GSE1: variants seen among roughly 807,000 people sequenced by gnomAD.
GSE1 encodes the protein genetic suppressor element 1.
In GSE1, 32 loss-of-function variants were observed where a neutral mutation model predicts 112.6. The observed-to-expected ratio is 0.28, with a 90% CI of 0.21 to 0.38. The LOEUF is 0.38. Ranked by LOEUF, GSE1 falls within the 10% of genes least tolerant of loss-of-function variation. GSE1 has a pLI of 1.00. For missense variants in GSE1, 2,348 were observed against 1,699.2 expected (o/e 1.38, Z -6.71); for synonymous variants, 1,115 against 735.6 (o/e 1.52, Z -8.35).
At chr16:85,457,948 A>G (rs2049875536) in intron 2 of GSE1, among the ~76,000 whole-genome samples, 1 of 152,206 alleles carries the variant, frequency 6.6e-6, no homozygotes, top group African/African-American at 2.4e-5. Flanking sequence ...TGTAATTTTC[A>G]TACCTTCTCT....
intron 1 of GSE1, among the ~76,000 whole-genome samples, chr16:85,319,178 G>A (rs1176580232): frequency 6.6e-6 from 1 of 152,194 alleles, no homozygotes; most frequent in African/African-American, 2.4e-5. Flanking sequence ...GCGGTAGATT[G>A]AGGGTCTCAG....
At chr16:85,668,826 C>A (rs1013758849) in intron 14 of GSE1, among the ~76,000 whole-genome samples, 1 of 152,220 alleles carries the variant, frequency 6.6e-6, no homozygotes, top group Non-Finnish European at 1.5e-5. Flanking sequence ...TAGTGACAGA[C>A]TCCCCACACT....
chr16:85,384,473 CA>C (rs1464927964), intron 2 of GSE1, among the ~76,000 whole-genome samples: 13 of 152,226 alleles, frequency 8.5e-5, no homozygotes, highest in Non-Finnish European at 4.4e-5. Flanking sequence ...GCCCCAATCC[CA>C]GACCTTGCCA....
At chr16:85,565,406 C>A (rs11860250) in intron 1 of GSE1, among the ~76,000 whole-genome samples, 6,628 of 140,772 alleles carry the variant, frequency 0.047, 645 homozygotes, top group African/African-American at 0.18. Context: ...AAAAAAAAAA[C>A]AAAAAAAAAC....
chr16:85,171,804 G>A (rs1190510019), exon 1 of GSE1: 18 of 985,252 alleles, frequency 1.8e-5, no homozygotes, highest in South Asian at 1.4e-4. Context: ...CAGCAGCGAC[G>A]AAGGTAAGCA....
intron 2 of GSE1, among the ~76,000 whole-genome samples, chr16:85,428,730 T>C (rs1264936883): frequency 6.6e-6 from 1 of 152,150 alleles, no homozygotes; most frequent in Non-Finnish European, 1.5e-5. Flanking sequence ...CACTGTTGGC[T>C]CCTGTTTGAA....
intron 2 of GSE1, among the ~76,000 whole-genome samples, chr16:85,504,157 G>A (rs955146461): frequency 5.3e-5 from 8 of 152,354 alleles, no homozygotes; most frequent in African/African-American, 1.9e-4. Flanking sequence ...AGGTTGCGTG[G>A]AACAGGTACC....
At chr16:85,604,295 G>C (rs144166291) in intron 1 of GSE1, among the ~76,000 whole-genome samples, 4 of 152,032 alleles carry the variant, frequency 2.6e-5, no homozygotes, top group Non-Finnish European at 5.9e-5. Flanking sequence ...ATCCAGCATC[G>C]TGTCTTCAAG....
chr16:85,624,309 A>G (rs918752138), intron 1 of GSE1, among the ~76,000 whole-genome samples: 5 of 152,062 alleles, frequency 3.3e-5, no homozygotes, highest in South Asian at 2.1e-4. Flanking sequence ...AGCAGGTGCA[A>G]TGGAAGGCAG....
intron 2 of GSE1, among the ~76,000 whole-genome samples, chr16:85,398,696 A>G (rs907907378): frequency 2.6e-5 from 4 of 152,114 alleles, no homozygotes; most frequent in Non-Finnish European, 5.9e-5. Flanking sequence ...AGATGCTACA[A>G]CTTTAGTGTC....
At chr16:85,504,855 G>C (rs1397915045) in intron 2 of GSE1, among the ~76,000 whole-genome samples, 1 of 152,176 alleles carries the variant, frequency 6.6e-6, no homozygotes, top group Admixed American at 6.5e-5. Flanking sequence ...CCTTGGCTCT[G>C]CCCCTCTATG....
intron 1 of GSE1, among the ~76,000 whole-genome samples, chr16:85,332,283 T>C (rs1339959495): frequency 6.6e-6 from 1 of 152,212 alleles, no homozygotes; most frequent in Non-Finnish European, 1.5e-5. Flanking sequence ...CTGTATGCCT[T>C]GGTCTCCCAC....
intron 2 of GSE1, among the ~76,000 whole-genome samples, chr16:85,391,781 G>A (rs947847290): frequency 6.6e-6 from 1 of 152,178 alleles, no homozygotes; most frequent in African/African-American, 2.4e-5. Flanking sequence ...TGGAGTAGAT[G>A]CTTGTGGGGC....
intron 2 of GSE1, among the ~76,000 whole-genome samples, chr16:85,641,923 G>T (rs1251322158): frequency 2.0e-5 from 3 of 152,250 alleles, no homozygotes. Context: ...TCCGCCCAGG[G>T]CTGGGTTCCC....
At chr16:85,293,113 C>T (rs1287297044) in intron 1 of GSE1, among the ~76,000 whole-genome samples, 1 of 152,144 alleles carries the variant, frequency 6.6e-6, no homozygotes, top group Non-Finnish European at 1.5e-5. Context: ...TCAGGCCCCT[C>T]TCCCCAGCCC....
intron 2 of GSE1, among the ~76,000 whole-genome samples, chr16:85,389,737 C>T: frequency 6.6e-6 from 1 of 152,132 alleles, no homozygotes; most frequent in East Asian, 1.9e-4. Flanking sequence ...TCACTGAAGC[C>T]CTTCCTGCTT....
intron 1 of GSE1, among the ~76,000 whole-genome samples, chr16:85,579,337 G>A (rs1335130419): frequency 6.6e-6 from 1 of 152,166 alleles, no homozygotes; most frequent in Admixed American, 6.5e-5. Flanking sequence ...TTCTGGCTGG[G>A]GCCAGCTTGG....
rs575865718 is a variant in GSE1, at chr16:85,672,243, C to G, written c.3520-162C>G. ...CTCCTGACGACAGGTGATCTGCCCG[C>G]CTCGACCTCCAAAAGTGCTGGGATT... is the stretch of plus-strand genomic sequence containing the variant. On this transcript the variant is annotated intron_variant, in intron 15 of 15. Coordinates refer to ENST00000253458, the MANE Select transcript of GSE1 (RefSeq NM_014615.5). 3 of 616,652 alleles carry G rather than the reference C, an allele frequency of 4.9e-6. No homozygotes were observed. The South Asian group carries it at 5.5e-5, about 11-fold the overall frequency. 38.2% of individuals were successfully genotyped at this position (616,652 alleles called of 1,614,324 possible).
intron 1 of GSE1, among the ~76,000 whole-genome samples, chr16:85,322,638 C>T (rs1229548031): frequency 7.4e-6 from 1 of 135,912 alleles, no homozygotes; most frequent in African/African-American, 2.8e-5. Context: ...TTTTTTAAGA[C>T]AGAGTATTGC....
Sources: allele counts gnomAD v4.1 joint callset (sites outside exome capture counted in the v4.1 genomes callset), GRCh38; gene constraint gnomAD v4.1.1; transcripts MANE v1.5; gene names NCBI Gene and HGNC (gene_info 2026-07-23, HGNC 2026-07-21).